XRN1: variants seen among roughly 807,000 people sequenced by gnomAD.
XRN1 encodes the protein 5'-3' exoribonuclease 1.
Under a neutral mutation model 222.3 loss-of-function variants are expected in XRN1, and 67 were observed. The observed-to-expected ratio is 0.30, with a 90% confidence interval of 0.25 to 0.37. The LOEUF (loss-of-function observed/expected upper bound fraction) is 0.37, where lower values mean the gene tolerates loss of function less well. Among genes scored for constraint, XRN1 ranks in the 10% least tolerant of loss-of-function variants. The pLI is 1.00. For missense variants in XRN1, 1,707 were observed against 2,000.2 expected, an observed-to-expected ratio of 0.85 and a Z score of 2.80; for synonymous variants, 643 against 652.4, an observed-to-expected ratio of 0.99 and a Z score of 0.22.
chr3:142,376,439 T>C lies in XRN1; in HGVS notation c.2831+40A>G, dbSNP rs751280831. On this transcript the variant is annotated intron_variant, in intron 24 of 40. Coordinates refer to ENST00000392981, the MANE Select transcript of XRN1 (RefSeq NM_001282857.2). ...AGCATTTAATCTTTATCATTTAATT[T>C]TTCTGCCACTTTAAGTAAATTTCTC... is the stretch of plus-strand genomic sequence containing the variant. The C allele has an allele frequency of 2.8e-6, 4 of 1,404,022 alleles. No individual in the cohort carries two copies. The South Asian group carries it at 4.8e-5, about 17-fold the overall frequency. The allele number at this position is 1,404,022 out of a possible 1,614,324, so 87.0% of individuals were successfully genotyped here. A position where few individuals can be genotyped will look rare whatever the true frequency, so the allele number is the denominator to read the frequency against.
intron 6 of XRN1, among the ~76,000 whole-genome samples, 187 bp downstream of exon 6, chr3:142,423,373 T>TA (rs1463839099): frequency 1.3e-5 from 2 of 152,082 alleles, no homozygotes; most frequent in African/African-American, 2.4e-5. Flanking sequence ...TGAAAACTCC[T>TA]AAAAAAAGAA....
chr3:142,369,830 G>C lies in XRN1; in HGVS notation c.3204+655C>G, dbSNP rs1577310394. 2.0e-5 allele frequency among the ~76,000 whole-genome samples: 3 copies of C among 151,892 alleles called. No homozygotes were observed. In the East Asian group the frequency reaches 5.8e-4, roughly 29 times the overall value. Reference sequence around the variant, plus strand: ...TGAGGCTGAGGCAGGCGGATCACCTGAGGTCAGGAGTTCAAGACCAGCCTG... The same window carrying C: ...TGAGGCTGAGGCAGGCGGATCACCTCAGGTCAGGAGTTCAAGACCAGCCTG... On this transcript the variant is annotated intron_variant, in intron 27 of 40. Coordinates refer to ENST00000392981, the MANE Select transcript of XRN1 (RefSeq NM_001282857.2).
At position 142,309,046 on chromosome 3, in the gene XRN1, C is replaced by G. The variant is rs2065025197; in HGVS notation, c.*2465G>C. 1.3e-5 allele frequency: 2 copies of G among 152,238 alleles called. No individual in the cohort carries two copies. The highest frequency in any genetic ancestry group is 2.9e-5 in the Non-Finnish European group (2 of 68,022). 9.4% of individuals were successfully genotyped at this position (152,238 alleles called of 1,614,324 possible). ...AATGGCCTCTGCTTCTTACATCCTC[C>G]ATAGGGAGGGCACATCTCCCATTGA... On this transcript the variant is annotated 3_prime_UTR_variant, in exon 41 of 41. Transcript: ENST00000392981.
chr3:142,400,083 G>C (rs2068072470), intron 19 of XRN1, among the ~76,000 whole-genome samples: 1 of 152,076 alleles, frequency 6.6e-6, no homozygotes, highest in Non-Finnish European at 1.5e-5. Context: ...CAATTTAAAT[G>C]AAATCCAGAT....
chr3:142,397,278 A>G (rs2067965809), intron 20 of XRN1, 51 bp downstream of exon 20: 1 of 1,503,410 alleles, frequency 6.7e-7, no homozygotes, highest in African/African-American at 1.4e-5. Context: ...GAATGAGTAC[A>G]TTAAAACGGA....
At chr3:142,394,103 A>C (rs982985588) in intron 20 of XRN1, among the ~76,000 whole-genome samples, 9 of 152,188 alleles carry the variant, frequency 5.9e-5, no homozygotes, top group African/African-American at 1.9e-4. Flanking sequence ...CTGGGATTAC[A>C]GTCATGAGCC....
chr3:142,438,267 C>T (rs2070013374), intron 1 of XRN1, among the ~76,000 whole-genome samples: 1 of 151,650 alleles, frequency 6.6e-6, no homozygotes, highest in Non-Finnish European at 1.5e-5. Context: ...GGCAGAGGTC[C>T]GTGGGGAGTT....
intron 20 of XRN1, among the ~76,000 whole-genome samples, chr3:142,389,739 C>T (rs1366523863): frequency 3.9e-5 from 6 of 152,206 alleles, no homozygotes; most frequent in African/African-American, 7.2e-5. Context: ...AGGCTGGCCT[C>T]GAACTACTGA....
intron 20 of XRN1, among the ~76,000 whole-genome samples, chr3:142,389,745 A>G (rs1181755696): frequency 1.3e-5 from 2 of 152,090 alleles, no homozygotes; most frequent in Non-Finnish European, 2.9e-5. Context: ...GCCTCGAACT[A>G]CTGACCCCAG....
intron 19 of XRN1, among the ~76,000 whole-genome samples, chr3:142,398,312 C>A (rs1438299773): frequency 1.3e-5 from 2 of 151,296 alleles, no homozygotes; most frequent in African/African-American, 4.9e-5. Context: ...TAAAAATAAA[C>A]ATTTTTAAAG....
intron 5 of XRN1, among the ~76,000 whole-genome samples, chr3:142,424,485 A>G (rs937436402): frequency 6.6e-6 from 1 of 152,218 alleles, no homozygotes; most frequent in African/African-American, 2.4e-5. Flanking sequence ...TGTTTATTTC[A>G]ATCTTGATTC....
chr3:142,389,055 A>G (rs6769123), intron 20 of XRN1, among the ~76,000 whole-genome samples: 19,908 of 152,190 alleles, frequency 0.13, 1,326 homozygotes, highest in African/African-American at 0.14. Context: ...TCTCTACTAA[A>G]TATAAAAAAT....
chr3:142,427,481 T>A (rs990878504), intron 2 of XRN1, among the ~76,000 whole-genome samples: 1 of 152,220 alleles, frequency 6.6e-6, no homozygotes. Context: ...CTTTAAATGT[T>A]CATTATATAT....
Position 142,426,968 on chromosome 3 carries a change from C to A in XRN1, c.309-127G>T, listed in dbSNP as rs967852875. On this transcript the variant is annotated intron_variant, in intron 2 of 40. Coordinates refer to ENST00000392981, the MANE Select transcript of XRN1 (RefSeq NM_001282857.2). The stretch of plus-strand genomic sequence containing the variant: ...CACCAGTTTTAACGTTCAAAACATA[C>A]AAGTTTTGAAATGATTATGATTGAT... The A allele has an allele frequency of 4.6e-6, 3 of 658,180 alleles. No homozygotes were observed. The African/African-American group carries it at 5.5e-5, about 12-fold the overall frequency. 40.8% of individuals were successfully genotyped at this position (658,180 alleles called of 1,614,324 possible).
At chr3:142,393,626 A>G (rs748951553) in intron 20 of XRN1, among the ~76,000 whole-genome samples, 6 of 152,140 alleles carry the variant, frequency 3.9e-5, no homozygotes, top group Non-Finnish European at 8.8e-5. Flanking sequence ...GTCAAAGATC[A>G]GATAGTTGTA....
At chr3:142,422,467 C>T in intron 8 of XRN1, 115 bp downstream of exon 8, 1 of 1,119,632 alleles carries the variant, frequency 8.9e-7, no homozygotes, top group South Asian at 1.4e-5. Context: ...AAAATAAATC[C>T]TCAATGTTTT....
At chr3:142,431,886 A>G (rs1254537100) in intron 2 of XRN1, among the ~76,000 whole-genome samples, 9 of 30,528 alleles carry the variant, frequency 2.9e-4, no homozygotes, top group African/African-American at 1.0e-3. Flanking sequence ...TATATATATT[A>G]TATATAATAT....
chr3:142,332,680 A>G lies in XRN1; in HGVS notation c.4063-146T>C, dbSNP rs1321758895. 4.6e-6 allele frequency: 4 copies of G among 874,270 alleles called. No homozygotes were observed. The East Asian group carries it at 8.6e-5, about 19-fold the overall frequency. The allele number at this position is 874,270 out of a possible 1,614,324, so 54.2% of individuals were successfully genotyped here. A position where few individuals can be genotyped will look rare whatever the true frequency, so the allele number is the denominator to read the frequency against. ...CTACATTCAGATAGAAACTGAAAAA[A>G]AAAAACCCAACACCCACATTTCTGA... On this transcript the variant is annotated intron_variant, in intron 35 of 40. Coordinates refer to ENST00000392981, the MANE Select transcript of XRN1 (RefSeq NM_001282857.2).
chr3:142,370,082 C>T (rs1475759831), intron 27 of XRN1, among the ~76,000 whole-genome samples: 1 of 148,758 alleles, frequency 6.7e-6, no homozygotes, highest in Non-Finnish European at 1.5e-5. Context: ...GTAGTTAGAA[C>T]AGGAAGAAAT....
Sources: gnomAD v4.1 joint callset for allele counts (sites outside exome capture counted in the v4.1 genomes callset) on GRCh38, gnomAD v4.1.1 for gene constraint, MANE v1.5 for transcripts, NCBI Gene and HGNC (gene_info 2026-07-23, HGNC 2026-07-21) for gene names.